Variants in NGEF observed in about 807,000 individuals in gnomAD.
The protein encoded by NGEF is neuronal guanine nucleotide exchange factor, also known as ephexin-1.
A neutral mutation model predicts 80.9 loss-of-function variants in NGEF; 31 were observed. The observed-to-expected ratio is 0.38, with a 90% CI of 0.29 to 0.52. The LOEUF is 0.52. NGEF is among the 20% of genes least tolerant of loss of function. The probability of loss-of-function intolerance (pLI) is 0.84; values close to 1 mark genes in which losing one functional copy is unlikely to be tolerated. For synonymous variants in NGEF, 371 were observed against 370.2 expected, an observed-to-expected ratio of 1.00 and a Z score of -0.03; for missense variants, 709 against 926.2, an observed-to-expected ratio of 0.77 and a Z score of 3.04.
At chr2:232,920,671 T>G in intron 4 of NGEF, 86 bp from the exon 5 acceptor site, 1 of 1,347,604 alleles carries the variant, frequency 7.4e-7, no homozygotes, top group South Asian at 1.5e-5. Flanking sequence ...TTCGTGTTCT[T>G]ATCAAGGGTG....
At chr2:232,883,208 CGT>C (rs1691571863) in intron 12 of NGEF, 101 bp downstream of exon 12, 7 of 1,342,318 alleles carry the variant, frequency 5.2e-6, no homozygotes, top group South Asian at 4.3e-5. Flanking sequence ...CCACACAGAG[CGT>C]GTGTGGTGCC....
At chr2:232,964,299 AG>A (rs1319768293) in intron 3 of NGEF, among the ~76,000 whole-genome samples, 1 of 152,272 alleles carries the variant, frequency 6.6e-6, no homozygotes, top group Non-Finnish European at 1.5e-5. Flanking sequence ...GGATGTTCAT[AG>A]CAACTTTATT....
At chr2:232,916,638 G>A (rs1012459917) in intron 5 of NGEF, among the ~76,000 whole-genome samples, 6 of 152,118 alleles carry the variant, frequency 3.9e-5, no homozygotes, top group Admixed American at 6.5e-5. Flanking sequence ...CATCAAGAAC[G>A]GGCAGGGTAA....
In NGEF at chr2:232,995,114, G is replaced by A. The variant is rs200249031; in HGVS notation, c.-75+17954C>T. Among the ~76,000 whole-genome samples the A allele has an allele frequency of 8.3e-3, 36 of 4,352 alleles. 10 individuals carry two copies. The highest frequency in any genetic ancestry group is 0.023 in the African/African-American group (16 of 682). The allele number at this position is 4,352 out of a possible 152,430, so 2.9% of individuals were successfully genotyped here. On this transcript the variant is annotated intron_variant, in intron 1 of 14. Coordinates refer to ENST00000264051, the MANE Select transcript of NGEF (RefSeq NM_019850.3). Reference sequence around the variant, plus strand: ...ATGTATATGTGTACAGTATGTATATGTGTACAGTATGTATATATGTACAGT... The same window carrying A: ...ATGTATATGTGTACAGTATGTATATATGTACAGTATGTATATATGTACAGT...
At chr2:232,919,848 C>G (rs896125902) in intron 5 of NGEF, among the ~76,000 whole-genome samples, 3 of 152,154 alleles carry the variant, frequency 2.0e-5, no homozygotes, top group Admixed American at 2.0e-4. Flanking sequence ...GAAGTTCAGA[C>G]AGCCCCAAAA....
chr2:232,940,761 G>T (rs894248082), intron 3 of NGEF, among the ~76,000 whole-genome samples: 1 of 152,148 alleles, frequency 6.6e-6, no homozygotes, highest in Non-Finnish European at 1.5e-5. Flanking sequence ...TTTATAAATA[G>T]ACTTTTATAT....
intron 3 of NGEF, chr2:232,927,900 G>T: frequency 7.6e-7 from 1 of 1,308,452 alleles, no homozygotes; most frequent in Non-Finnish European, 9.7e-7. Flanking sequence ...CACCTGCCGG[G>T]CAGGTGTCCC....
At chr2:232,966,869 G>A (rs1306755007) in intron 3 of NGEF, among the ~76,000 whole-genome samples, 5 of 152,016 alleles carry the variant, frequency 3.3e-5, no homozygotes, top group African/African-American at 1.2e-4. Context: ...GGGGGGAGGC[G>A]GGTGAGGAGC....
intron 1 of NGEF, among the ~76,000 whole-genome samples, chr2:232,983,346 G>A (rs1285215595): frequency 6.6e-6 from 1 of 152,108 alleles, no homozygotes; most frequent in Non-Finnish European, 1.5e-5. Flanking sequence ...GTCCCCGAGC[G>A]GTGAGGGAAG....
chr2:232,949,178 C>A (rs1364021476), intron 3 of NGEF, among the ~76,000 whole-genome samples: 2 of 152,192 alleles, frequency 1.3e-5, no homozygotes, highest in East Asian at 1.9e-4. Flanking sequence ...GGAGCCAGGA[C>A]CTGCCTGAAT....
rs907180439 is a variant in NGEF at position 232,892,274 on chromosome 2, T to A, written c.1142+624A>T. 1.6e-4 allele frequency among the ~76,000 whole-genome samples: 24 copies of A among 152,072 alleles called. No homozygotes were observed. The highest frequency in any genetic ancestry group is 4.4e-4 in the African/African-American group (18 of 41,376). On this transcript the variant is annotated intron_variant, in intron 7 of 14. Transcript: ENST00000264051. This position sits in a 1 kb window ranked among gnomAD's most constrained non-coding sequence, Gnocchi z 4.0. ...TGGTGGAAAAGCCAGTGAGGCGCAATGTGCAGACGCCACAACTGGAAAACT... is the reference window on the plus strand; with the variant it reads ...TGGTGGAAAAGCCAGTGAGGCGCAAAGTGCAGACGCCACAACTGGAAAACT...
At chr2:232,997,542 G>A (rs1354616373) in intron 1 of NGEF, among the ~76,000 whole-genome samples, 3 of 152,184 alleles carry the variant, frequency 2.0e-5, no homozygotes, top group Non-Finnish European at 2.9e-5. Context: ...CTAGAACACA[G>A]AAATATCCAC....
chr2:232,898,161 G>A (rs1692158775), intron 5 of NGEF, among the ~76,000 whole-genome samples: 2 of 152,226 alleles, frequency 1.3e-5, no homozygotes, highest in Non-Finnish European at 2.9e-5. Flanking sequence ...AGCAGTTACA[G>A]CTCACAAGTT....
In NGEF at chr2:232,906,583, G is replaced by A. The variant is rs532988390; in HGVS notation, c.829-11667C>T. On this transcript the variant is annotated intron_variant, in intron 5 of 14. Transcript: ENST00000264051. ...CGGGAGGTGAGGGGCACCTCCCTCC[G>A]GCCACCCCTACTGGGAAGTGAGGAG... Among the ~76,000 whole-genome samples, 2 of 50,688 alleles carry A rather than the reference G, an allele frequency of 3.9e-5. 1 individual carries two copies. The highest frequency in any genetic ancestry group is 1.2e-3 in the East Asian group (2 of 1,640). The allele number at this position is 50,688 out of a possible 152,430, so 33.3% of individuals were successfully genotyped here. A position where few individuals can be genotyped will look rare whatever the true frequency, so the allele number is the denominator to read the frequency against.
At chr2:232,914,184 A>G (rs1204193607) in intron 5 of NGEF, among the ~76,000 whole-genome samples, 3 of 152,232 alleles carry the variant, frequency 2.0e-5, no homozygotes, top group Non-Finnish European at 1.5e-5. Flanking sequence ...TAGTTCTGAC[A>G]GACAGTATGG....
intron 3 of NGEF, among the ~76,000 whole-genome samples, chr2:232,956,781 TAAAAAA>T (rs57407464): frequency 1.2e-3 from 72 of 62,112 alleles, no homozygotes; most frequent in African/African-American, 4.3e-3. Context: ...AGACTCCATC[TAAAAAA>T]AAAAAAAAAA....
chr2:232,905,519 GC>G (rs1692483156), intron 5 of NGEF: 1 of 283,274 alleles, frequency 3.5e-6, no homozygotes. Context: ...CTGCCGGTCC[GC>G]CACCCCGTCT....
At chr2:232,960,267 CT>C (rs1357955697) in intron 3 of NGEF, among the ~76,000 whole-genome samples, 1 of 152,178 alleles carries the variant, frequency 6.6e-6, no homozygotes, top group Non-Finnish European at 1.5e-5. Flanking sequence ...CAATGTGGCA[CT>C]TTTGTGATAT....
In NGEF at chr2:232,892,781, G is replaced by A; in HGVS notation, c.1142+117C>T. 2.6e-6 allele frequency: 3 copies of A among 1,158,066 alleles called. No individual in the cohort carries two copies. Among genetic ancestry groups the A allele is most frequent in the Non-Finnish European group, 2.5e-6 (2 of 809,770 alleles). 71.7% of individuals were successfully genotyped at this position (1,158,066 alleles called of 1,614,324 possible). A position where few individuals can be genotyped will look rare whatever the true frequency, so the allele number is the denominator to read the frequency against. On this transcript the variant is annotated intron_variant, in intron 7 of 14. Coordinates refer to ENST00000264051, the MANE Select transcript of NGEF (RefSeq NM_019850.3). The surrounding 1 kb of genome is among the most constrained non-coding windows in gnomAD (Gnocchi z 4.0). ...AACTCCGGTGGCTCATGTGGACCTTGGGAACGCAGAGGTAAAGGACCATGA... is the reference window on the plus strand; with the variant it reads ...AACTCCGGTGGCTCATGTGGACCTTAGGAACGCAGAGGTAAAGGACCATGA...
Sources: allele counts gnomAD v4.1 joint callset (sites outside exome capture counted in the v4.1 genomes callset), GRCh38; gene constraint gnomAD v4.1.1; non-coding constraint Gnocchi (gnomAD v3.1); transcripts MANE v1.5; gene names NCBI Gene and HGNC (gene_info 2026-07-23, HGNC 2026-07-21).